Variants in MUC12 observed in about 807,000 individuals in gnomAD.
MUC12 encodes mucin 12, cell surface associated.
A neutral mutation model predicts 230.8 loss-of-function variants in MUC12; 172 were observed. That is an observed-to-expected ratio of 0.75 (90% CI 0.66 to 0.85). MUC12 has a LOEUF of 0.85. Among genes scored for constraint, MUC12 ranks in the 40% least tolerant of loss-of-function variants. The pLI, the probability that MUC12 is intolerant of heterozygous loss-of-function variation, is 0.00. For missense variants in MUC12, 3,506 were observed against 5,920.6 expected, an observed-to-expected ratio of 0.59 and a Z score of 13.38; for synonymous variants, 1,259 against 2,401.9, an observed-to-expected ratio of 0.52 and a Z score of 13.91.
chr7:100,971,719 CTG>C (rs1458690763), intron 1 of MUC12, among the ~76,000 whole-genome samples: 2 of 152,308 alleles, frequency 1.3e-5, no homozygotes, highest in Non-Finnish European at 2.9e-5. Flanking sequence ...AAGTGGGAAA[CTG>C]TGGGCCTGGA....
chr7:101,006,549 C>G lies in MUC12; in HGVS notation c.15035C>G (p.Ser5012Cys). The G allele has an allele frequency of 6.5e-7, 1 of 1,536,982 alleles. No homozygotes were observed. The highest frequency in any genetic ancestry group is 8.7e-7 in the Non-Finnish European group (1 of 1,146,674). The change falls in exon 3 of 12, where the codon TCC becomes TGC. Residue 5012 changes from serine to cysteine, a missense_variant. Coordinates refer to ENST00000536621, the MANE Select transcript of MUC12 (RefSeq NM_001164462.2). ...GGCTACGTTGGTTACCAGTGCTTGT[C>G]CCCTCTGGAATCCTTCCCTGTAGGT... ...PQGYVGYQCLSPLESFPVETP... is the reference protein window; with the variant it reads ...PQGYVGYQCLCPLESFPVETP...
chr7:100,995,687 C>G lies in MUC12; in HGVS notation c.5124C>G (p.Ala1708=). Reference sequence around the variant, plus strand: ...CTGCACCTCCTACTACCACATCAGCCTTTGTTGAGCTATCTACAACCTCCC... The same window carrying G: ...CTGCACCTCCTACTACCACATCAGCGTTTGTTGAGCTATCTACAACCTCCC... ...TMPAPPTTTS[A]FVELSTTSHG... is the part of the protein sequence containing the mutation. Residue 1708 remains alanine, a synonymous_variant, in exon 2 of 12, where the codon GCC becomes GCG. Coordinates refer to ENST00000536621, the MANE Select transcript of MUC12 (RefSeq NM_001164462.2). The G allele has an allele frequency of 6.5e-7, 1 of 1,537,256 alleles. No individual in the cohort carries two copies.
At position 100,981,620 on chromosome 7, in the gene MUC12, C is replaced by T. The variant is rs181330074; in HGVS notation, c.68-9011C>T. On this transcript the variant is annotated intron_variant, in intron 1 of 11. Coordinates refer to ENST00000536621, the MANE Select transcript of MUC12 (RefSeq NM_001164462.2). ...TCAAGCTTGGTGTGACCTGCGAGGG[C>T]AACTGTTGTGGAGATGTGAGTGGTT... 28 of 426,086 alleles carry T rather than the reference C, an allele frequency of 6.6e-5. 1 individual carries two copies. Among genetic ancestry groups the T allele is most frequent in the Admixed American group, 2.5e-4 (6 of 23,538 alleles). 26.4% of individuals were successfully genotyped at this position (426,086 alleles called of 1,614,324 possible).
chr7:100,995,863 A>T lies in MUC12; in HGVS notation c.5300A>T (p.Glu1767Val), dbSNP rs753082390. The T allele has an allele frequency of 1.4e-6, 2 of 1,447,200 alleles. No homozygotes were observed. The highest frequency in any genetic ancestry group is 1.8e-6 in the Non-Finnish European group (2 of 1,081,106). The allele number at this position is 1,447,200 out of a possible 1,614,324, so 89.6% of individuals were successfully genotyped here. A position where few individuals can be genotyped will look rare whatever the true frequency, so the allele number is the denominator to read the frequency against. Residue 1767 changes from glutamate (E) to valine (V), a missense_variant, in exon 2 of 12, where the codon GAA (glutamate) becomes GTA (valine). Glu to Val is a moderately radical substitution (Grantham distance 121). Coordinates refer to ENST00000536621, the MANE Select transcript of MUC12 (RefSeq NM_001164462.2). Reference sequence around the variant, plus strand: ...CGCTCCACAACCTCAGGCCTCGTTGAAGAATCTACGGCGTACCACAGCAGC... The same window carrying T: ...CGCTCCACAACCTCAGGCCTCGTTGTAGAATCTACGGCGTACCACAGCAGC... ...PARSTTSGLV[E>V]ESTAYHSSPG... is the part of the protein sequence containing the mutation.
intron 10 of MUC12, 117 bp downstream of exon 10, chr7:101,015,808 T>A: frequency 1.1e-6 from 1 of 876,258 alleles, no homozygotes; most frequent in South Asian, 1.6e-5. Context: ...TGGCTGTGAC[T>A]GACAGCCCGT....
chr7:100,995,612 G>C lies in MUC12; in HGVS notation c.5049G>C (p.Gln1683His), dbSNP rs1359688007. 6.5e-7 allele frequency: 1 copy of C among 1,536,950 alleles called. No individual in the cohort carries two copies. The highest frequency in any genetic ancestry group is 1.2e-5 in the South Asian group (1 of 84,044). The stretch of plus-strand genomic sequence containing the variant: ...CCCCTGCCGGCTCTACAACACGTCA[G>C]GGAGAATCTACCACCTTCCAGAGCT... ...TLSPAGSTTRQGESTTFQSWP... is the reference protein window; with the variant it reads ...TLSPAGSTTRHGESTTFQSWP... The change falls in exon 2 of 12, where the codon CAG becomes CAC. Residue 1683 changes from glutamine (Q) to histidine (H), a missense_variant. Transcript: ENST00000536621.
At chr7:100,984,610 C>T (rs906678708) in intron 1 of MUC12, among the ~76,000 whole-genome samples, 1 of 151,918 alleles carries the variant, frequency 6.6e-6, no homozygotes, top group African/African-American at 2.4e-5. Context: ...TTCCCAAGGC[C>T]GTCTAATCTC....
chr7:100,972,296 G>C (rs1792921108), intron 1 of MUC12: 2 of 690,350 alleles, frequency 2.9e-6, no homozygotes. Context: ...CAGTGGATTT[G>C]TGTCCTGCGC....
Position 101,005,036 on chromosome 7 carries a change from C to T in MUC12, c.14473C>T (p.Pro4825Ser). ...ATCTTTTGCTCAAGAATTTACCACCCCTCATAGCCAACCAGGCTCAGCTCT... is the reference window on the plus strand; with the variant it reads ...ATCTTTTGCTCAAGAATTTACCACCTCTCATAGCCAACCAGGCTCAGCTCT... ...TSSFAQEFTT[P>S]HSQPGSALST... is the part of the protein sequence containing the mutation. The change falls in exon 2 of 12, where the codon CCT (proline) becomes TCT (serine). Residue 4825 changes from proline to serine, a missense_variant. Physicochemically the swap from Pro to Ser is moderately conservative, Grantham distance 74 (BLOSUM62 -1). Transcript: ENST00000536621. 1.3e-6 allele frequency: 2 copies of T among 1,537,696 alleles called. No homozygotes were observed. The highest frequency in any genetic ancestry group is 1.7e-6 in the Non-Finnish European group (2 of 1,147,026).
rs1172405505 is a variant in MUC12, at chr7:101,004,743, G to T, written c.14180G>T (p.Ser4727Ile). 6.5e-7 allele frequency: 1 copy of T among 1,536,886 alleles called. No individual in the cohort carries two copies. The highest frequency in any genetic ancestry group is 2.0e-5 in the Admixed American group (1 of 50,972). ...SPGSMETTLA[S>I]TATTPGLSAK... ...GGCTCAATGGAAACAACATTAGCCA[G>T]CACTGCCACAACACCAGGCCTCAGT... The change falls in exon 2 of 12, where the codon AGC becomes ATC. Residue 4727 changes from serine to isoleucine, a missense_variant. By Grantham distance (142) the Ser-to-Ile change is moderately radical. Coordinates refer to ENST00000536621, the MANE Select transcript of MUC12 (RefSeq NM_001164462.2).
At position 101,004,753 on chromosome 7, in the gene MUC12, A is replaced by C. The variant is rs886438548; in HGVS notation, c.14190A>C (p.Thr4730=). 1.3e-6 allele frequency: 2 copies of C among 1,536,850 alleles called. No homozygotes were observed. The highest frequency in any genetic ancestry group is 3.9e-5 in the Admixed American group (2 of 50,984). Residue 4730 remains threonine, a synonymous_variant, in exon 2 of 12, where the codon ACA becomes ACC. Coordinates refer to ENST00000536621, the MANE Select transcript of MUC12 (RefSeq NM_001164462.2). ...AAACAACATTAGCCAGCACTGCCAC[A>C]ACACCAGGCCTCAGTGCAAAATCTA... ...SMETTLASTA[T]TPGLSAKSTI...
chr7:101,015,807 C>G (rs1793908119), intron 10 of MUC12, 116 bp downstream of exon 10: 1 of 901,272 alleles, frequency 1.1e-6, no homozygotes, highest in Non-Finnish European at 1.7e-6. Flanking sequence ...GTGGCTGTGA[C>G]TGACAGCCCG....
In MUC12 at chr7:100,995,473, G is replaced by T; in HGVS notation, c.4910G>T (p.Ser1637Ile). ...GGTCCAGAATCTACTACTTTCCACA[G>T]CAGCCCAGGCTCCACTGAAACAACA... The part of the protein sequence containing the change: ...SLGPESTTFH[S>I]SPGSTETTLL... Residue 1637 changes from serine (S) to isoleucine (I), a missense_variant, in exon 2 of 12, where the codon AGC (serine) becomes ATC (isoleucine). Physicochemically the swap from Ser to Ile is moderately radical, Grantham distance 142 (BLOSUM62 -2). Coordinates refer to ENST00000536621, the MANE Select transcript of MUC12 (RefSeq NM_001164462.2). The T allele has an allele frequency of 6.5e-7, 1 of 1,532,734 alleles. No homozygotes were observed. Among genetic ancestry groups the T allele is most frequent in the Non-Finnish European group, 8.7e-7 (1 of 1,145,528 alleles). 94.9% of individuals were successfully genotyped at this position (1,532,734 alleles called of 1,614,324 possible).
chr7:101,006,000 G>A (rs192077841), intron 2 of MUC12, among the ~76,000 whole-genome samples: 1 of 152,006 alleles, frequency 6.6e-6, no homozygotes, highest in Admixed American at 6.6e-5. Context: ...TTTTTACCAT[G>A]TTGACCAAGC....
At chr7:101,014,153 G>A (rs997362981) in intron 9 of MUC12, 79 bp downstream of exon 9, 19 of 1,407,264 alleles carry the variant, frequency 1.4e-5, no homozygotes, top group Non-Finnish European at 1.6e-5. Flanking sequence ...ATGTCCTAAG[G>A]CTCTGCTCCT....
chr7:100,978,938 T>C (rs972426129), intron 1 of MUC12, among the ~76,000 whole-genome samples: 1 of 152,146 alleles, frequency 6.6e-6, no homozygotes, highest in African/African-American at 2.4e-5. Flanking sequence ...GCCTCTCAAG[T>C]AGCTGGGACT....
In MUC12 at chr7:101,004,689, C is replaced by T; in HGVS notation, c.14126C>T (p.Ala4709Val). 1 of 1,537,804 alleles carries T rather than the reference C, an allele frequency of 6.5e-7. No individual in the cohort carries two copies. Among genetic ancestry groups the T allele is most frequent in the South Asian group, 1.2e-5 (1 of 84,058 alleles). ...PAHFTTSGRI[A>V]ESTTFYISPG... ...CATTTTACTACCTCAGGCCGCATTG[C>T]AGAATCTACCACCTTCTATATCTCT... is the stretch of plus-strand genomic sequence containing the variant. Residue 4709 changes from alanine (A) to valine (V), a missense_variant, in exon 2 of 12, where the codon GCA becomes GTA. Transcript: ENST00000536621.
intron 1 of MUC12, among the ~76,000 whole-genome samples, chr7:100,989,899 G>A (rs1320433918): frequency 6.6e-6 from 1 of 151,928 alleles, no homozygotes; most frequent in Non-Finnish European, 1.5e-5. Flanking sequence ...CACTATGTTG[G>A]CCAAACTGGT....
At position 100,969,613 on chromosome 7, in the gene MUC12, T is replaced by A. The variant is rs1157440043; in HGVS notation, c.-10T>A. The A allele has an allele frequency of 3.9e-6, 6 of 1,537,328 alleles. No individual in the cohort carries two copies. The highest frequency in any genetic ancestry group is 5.2e-6 in the Non-Finnish European group (6 of 1,146,958). On this transcript the variant is annotated 5_prime_UTR_variant, in exon 1 of 12. Transcript: ENST00000536621. ...AGAAGATGGGCAGCCAGGGGCCCGT[T>A]CCCCGGGAGATGCTGGTGATCTGGA...
Sources: allele counts gnomAD v4.1 joint callset (sites outside exome capture counted in the v4.1 genomes callset), GRCh38; gene constraint gnomAD v4.1.1; transcripts MANE v1.5; gene names NCBI Gene and HGNC (gene_info 2026-07-23, HGNC 2026-07-21).